Variants in IL18R1 observed in about 807,000 individuals in gnomAD.
The protein encoded by IL18R1 is interleukin-18 receptor 1.
In IL18R1, 40 loss-of-function variants were observed where a neutral mutation model predicts 48.5. That is an observed-to-expected ratio of 0.82 (90% CI 0.64 to 1.07). The LOEUF is 1.07. Among genes scored for constraint, IL18R1 ranks in the 50% least tolerant of loss-of-function variants. The pLI, the probability that IL18R1 is intolerant of heterozygous loss-of-function variation, is 0.00. For missense variants in IL18R1, 596 were observed against 633.7 expected (o/e 0.94, Z 0.64); for synonymous variants, 232 against 225.9 (o/e 1.03, Z -0.24).
intron 10 of IL18R1, among the ~76,000 whole-genome samples, chr2:102,396,290 A>G (rs1162353351): frequency 1.3e-5 from 2 of 152,184 alleles, no homozygotes; most frequent in Admixed American, 1.3e-4. Flanking sequence ...ATGAGTTAAT[A>G]TACAAAAAAC....
chr2:102,381,923 G>A (rs998580032), intron 6 of IL18R1, among the ~76,000 whole-genome samples: 15 of 152,082 alleles, frequency 9.9e-5, no homozygotes, highest in Admixed American at 2.6e-4. Flanking sequence ...GTAGACTAAG[G>A]TTTTTGTTGT....
intron 5 of IL18R1, among the ~76,000 whole-genome samples, chr2:102,376,625 A>G (rs1679602077): frequency 6.6e-6 from 1 of 152,186 alleles, no homozygotes; most frequent in Non-Finnish European, 1.5e-5. Flanking sequence ...CTCATGAAAC[A>G]GTGACCTGCT....
At chr2:102,358,653 C>T (rs531362979) in intron 1 of IL18R1, among the ~76,000 whole-genome samples, 2 of 152,190 alleles carry the variant, frequency 1.3e-5, no homozygotes, top group Admixed American at 6.5e-5. Flanking sequence ...GAGTCACCTG[C>T]GGAGTTCTGA....
intron 9 of IL18R1, among the ~76,000 whole-genome samples, chr2:102,390,726 G>A (rs778088618): frequency 1.3e-5 from 2 of 152,084 alleles, no homozygotes. Context: ...GAGGTCAGGA[G>A]ATCGAGACCA....
chr2:102,374,742 C>T (rs1679474648), intron 4 of IL18R1, among the ~76,000 whole-genome samples: 1 of 151,434 alleles, frequency 6.6e-6, no homozygotes, highest in Non-Finnish European at 1.5e-5. Context: ...TGGGCCACTG[C>T]ACTCCAGCCT....
At chr2:102,361,699 G>A (rs555375150) in intron 1 of IL18R1, among the ~76,000 whole-genome samples, 75 of 152,316 alleles carry the variant, frequency 4.9e-4, no homozygotes, top group African/African-American at 1.5e-3. Flanking sequence ...GTGTGTTTCT[G>A]AAACCAGACT....
Position 102,386,951 on chromosome 2 carries a change from G to A in IL18R1, c.900G>A (p.Val300=), listed in dbSNP as rs775695525. 1.4e-5 allele frequency: 22 copies of A among 1,613,808 alleles called. No homozygotes were observed. Among genetic ancestry groups the A allele is most frequent in the Non-Finnish European group, 1.5e-5 (18 of 1,179,832 alleles). The part of the protein sequence containing the change: ...SNLNVLYNCT[V]ASTGGTDTKS... The stretch of plus-strand genomic sequence containing the variant: ...TAAATGTTTTATATAATTGCACTGT[G>A]GCCAGCACGGGAGGCACAGACACCA... Residue 300 remains valine, a synonymous_variant, in exon 8 of 11, where the codon GTG becomes GTA. Transcript: ENST00000233957.
chr2:102,367,843 C>T lies in IL18R1; in HGVS notation c.77C>T (p.Pro26Leu), dbSNP rs993433276. 2 of 1,612,456 alleles carry T rather than the reference C, an allele frequency of 1.2e-6. No homozygotes were observed. Among genetic ancestry groups the T allele is most frequent in the African/African-American group, 1.3e-5 (1 of 74,996 alleles). Reference sequence around the variant, plus strand: ...TTTGAAGAATCTTGTACTTCACGTCCCCACATTACTGTGGTTGAAGGGGAA... The same window carrying T: ...TTTGAAGAATCTTGTACTTCACGTCTCCACATTACTGTGGTTGAAGGGGAA... Reference protein sequence around the residue: ...VSTAESCTSRPHITVVEGEPF... With the variant: ...VSTAESCTSRLHITVVEGEPF... Residue 26 changes from proline (P) to leucine (L), a missense_variant, in exon 3 of 11, where the codon CCC (proline) becomes CTC (leucine). This residue lies in a region of IL18R1 where 360 missense variants were observed against 339.4 expected (regional missense o/e 1.06). Coordinates refer to ENST00000233957, the MANE Select transcript of IL18R1 (RefSeq NM_003855.5).
chr2:102,386,708 T>C (rs1573223330), intron 7 of IL18R1, among the ~76,000 whole-genome samples, 153 bp from the exon 8 acceptor site: 1 of 152,144 alleles, frequency 6.6e-6, no homozygotes, highest in South Asian at 2.1e-4. Flanking sequence ...GGAGGGGACG[T>C]TTATTGTAGT....
chr2:102,368,211 T>G (rs1882348), intron 3 of IL18R1, 143 bp downstream of exon 3: 9 of 915,276 alleles, frequency 9.8e-6, no homozygotes, highest in African/African-American at 1.7e-5. Flanking sequence ...AATACATTCT[T>G]TGTTATGGAA....
At chr2:102,370,702 C>A (rs1573196439) in intron 3 of IL18R1, among the ~76,000 whole-genome samples, 1 of 152,224 alleles carries the variant, frequency 6.6e-6, no homozygotes, top group Non-Finnish European at 1.5e-5. Context: ...AAGTGTGTGG[C>A]CTGAGTGAGT....
intron 2 of IL18R1, among the ~76,000 whole-genome samples, chr2:102,364,751 T>C (rs1391132265): frequency 6.6e-6 from 1 of 152,164 alleles, no homozygotes; most frequent in Admixed American, 6.5e-5. Context: ...ACTTTATTGA[T>C]TCACAGTTCT....
At chr2:102,394,938 C>CCCACGGTGAGAATATCTGTA (rs1403383414) in intron 10 of IL18R1, among the ~76,000 whole-genome samples, 1 of 152,074 alleles carries the variant, frequency 6.6e-6, no homozygotes, top group East Asian at 1.9e-4. Flanking sequence ...TTAGAAATGA[C>CCCACGGTGAGAATATCTGTA]CCACGGTGAG....
chr2:102,389,655 C>A (rs986432379), intron 8 of IL18R1, among the ~76,000 whole-genome samples: 3 of 152,182 alleles, frequency 2.0e-5, no homozygotes, highest in African/African-American at 4.8e-5. Context: ...GCTGCAAACC[C>A]AGACAAATGT....
At chr2:102,378,505 T>G (rs1430370359) in intron 5 of IL18R1, among the ~76,000 whole-genome samples, 2 of 152,242 alleles carry the variant, frequency 1.3e-5, no homozygotes, top group Non-Finnish European at 2.9e-5. Context: ...CATCTTATTT[T>G]TCTTGTCTTC....
At chr2:102,363,925 A>G (rs919677665) in intron 2 of IL18R1, among the ~76,000 whole-genome samples, 1 of 152,194 alleles carries the variant, frequency 6.6e-6, no homozygotes, top group Admixed American at 6.5e-5. Context: ...AGGAGTGCCT[A>G]TTTTGGCACT....
At chr2:102,364,980 A>G (rs1031130783) in intron 2 of IL18R1, among the ~76,000 whole-genome samples, 2 of 152,156 alleles carry the variant, frequency 1.3e-5, no homozygotes, top group Non-Finnish European at 2.9e-5. Context: ...CCCTCCTATG[A>G]CACATGGGGC....
At chr2:102,381,933 T>A (rs2105095396) in intron 6 of IL18R1, among the ~76,000 whole-genome samples, 1 of 152,256 alleles carries the variant, frequency 6.6e-6, no homozygotes, top group South Asian at 2.1e-4. Flanking sequence ...GTTTTTGTTG[T>A]GCTGTGTGTG....
intron 4 of IL18R1, among the ~76,000 whole-genome samples, chr2:102,372,924 G>A (rs776359126): frequency 7.2e-5 from 11 of 152,136 alleles, no homozygotes; most frequent in Non-Finnish European, 1.2e-4. Context: ...CTGGATCAGA[G>A]GCTGTGAGCA....
Sources: allele counts gnomAD v4.1 joint callset (sites outside exome capture counted in the v4.1 genomes callset), GRCh38; gene constraint gnomAD v4.1.1; regional missense constraint gnomAD v4.1.1; transcripts MANE v1.5; gene names NCBI Gene and HGNC (gene_info 2026-07-23, HGNC 2026-07-21).